Variants in UBE2D2 observed in about 807,000 individuals in gnomAD.
UBE2D2 encodes the protein ubiquitin conjugating enzyme E2 D2.
Under a neutral mutation model 24.2 loss-of-function variants are expected in UBE2D2, and 2 were observed. That is an observed-to-expected ratio of 0.08 (90% CI 0.03 to 0.26). The LOEUF (loss-of-function observed/expected upper bound fraction) is 0.26, where lower values mean the gene tolerates loss of function less well. UBE2D2 is among the 10% of genes least tolerant of loss of function. UBE2D2 has a pLI of 1.00. For missense variants in UBE2D2, 44 were observed against 177.6 expected, an observed-to-expected ratio of 0.25 and a Z score of 4.28; for synonymous variants, 58 against 56.5, an observed-to-expected ratio of 1.03 and a Z score of -0.12.
chr5:139,592,180 C>T (rs967822107), intron 1 of UBE2D2, among the ~76,000 whole-genome samples: 13 of 151,790 alleles, frequency 8.6e-5, no homozygotes, highest in African/African-American at 1.9e-4. Flanking sequence ...CTAGCCTGGG[C>T]GACAAAGCAA....
chr5:139,550,842 A>T (rs1168604218), intron 1 of UBE2D2, among the ~76,000 whole-genome samples: 2 of 152,164 alleles, frequency 1.3e-5, no homozygotes, highest in African/African-American at 4.8e-5. Context: ...ACGTCTGAAC[A>T]TCAGAAAGAA....
chr5:139,559,580 T>G (rs372594714), upstream of UBE2D2, among the ~76,000 whole-genome samples: 34 of 152,274 alleles, frequency 2.2e-4, no homozygotes, highest in Middle Eastern at 0.01. Context: ...TTTCTCTCAC[T>G]GGGTGCACGG....
chr5:139,538,409 C>T (rs1032631643), intron 1 of UBE2D2, among the ~76,000 whole-genome samples: 7 of 152,094 alleles, frequency 4.6e-5, no homozygotes, highest in African/African-American at 1.2e-4. Flanking sequence ...GGGATAAACA[C>T]AATAAATATC....
At chr5:139,546,898 TC>T (rs545534939) in intron 1 of UBE2D2, among the ~76,000 whole-genome samples, 1 of 151,788 alleles carries the variant, frequency 6.6e-6, no homozygotes, top group South Asian at 2.1e-4. Context: ...TTCTTTTCTT[TC>T]TTTCTTTTTT....
chr5:139,544,814 T>C (rs910838007), intron 1 of UBE2D2, among the ~76,000 whole-genome samples: 2 of 151,924 alleles, frequency 1.3e-5, no homozygotes, highest in Non-Finnish European at 2.9e-5. Context: ...GTCTTGCTCT[T>C]TTGCCAGGCT....
Position 139,570,293 on chromosome 5 carries a change from A to C in UBE2D2, c.24+8478A>C, listed in dbSNP as rs6863764. 8.8e-3 allele frequency among the ~76,000 whole-genome samples: 1,334 copies of C among 151,866 alleles called. 23 individuals carry two copies. Among genetic ancestry groups the C allele is most frequent in the African/African-American group, 0.031 (1,297 of 41,420 alleles). ...GTCAAAACAACAACAACAACAACAA[A>C]ACAACTATTGCAAATTTGGTGTTCT... On this transcript the variant is annotated intron_variant, in intron 1 of 6. Coordinates refer to ENST00000398733, the MANE Select transcript of UBE2D2 (RefSeq NM_003339.3).
intron 2 of UBE2D2, among the ~76,000 whole-genome samples, chr5:139,604,304 AATTTTCGT>A (rs1335194249): frequency 6.6e-6 from 1 of 151,662 alleles, no homozygotes; most frequent in Non-Finnish European, 1.5e-5. Context: ...CCGCCCAGCT[AATTTTCGT>A]ATTTTTGGTA....
chr5:139,561,856 C>T (rs772845371), intron 1 of UBE2D2, 41 bp downstream of exon 1: 3 of 1,460,194 alleles, frequency 2.1e-6, no homozygotes, highest in South Asian at 1.5e-5. Flanking sequence ...GCCAGCTGAG[C>T]AGGCTGCGGC....
At position 139,595,146 on chromosome 5, in the gene UBE2D2, A is replaced by G. The variant is rs139339263; in HGVS notation, c.25-5226A>G. 2.0e-5 allele frequency among the ~76,000 whole-genome samples: 3 copies of G among 152,300 alleles called. No individual in the cohort carries two copies. In the East Asian group the frequency reaches 5.8e-4, roughly 29 times the overall value. Reference sequence around the variant, plus strand: ...CTTTATTTCCCTATTGTTCTTTCTCATAAAATAGAAAGTTGAAATTAATGT... The same window carrying G: ...CTTTATTTCCCTATTGTTCTTTCTCGTAAAATAGAAAGTTGAAATTAATGT... On this transcript the variant is annotated intron_variant, in intron 1 of 6. Transcript: ENST00000398733.
intron 1 of UBE2D2, among the ~76,000 whole-genome samples, chr5:139,542,150 GC>G (rs1414527458): frequency 6.6e-6 from 1 of 152,146 alleles, no homozygotes; most frequent in African/African-American, 2.4e-5. Context: ...TGGTGTCACT[GC>G]ATTCCACCCT....
intron 1 of UBE2D2, among the ~76,000 whole-genome samples, chr5:139,554,268 A>G (rs1315279940): frequency 1.4e-4 from 21 of 152,154 alleles, no homozygotes; most frequent in Admixed American, 1.4e-3. Flanking sequence ...TCCTGGGCTC[A>G]GGTGATCCTC....
At chr5:139,603,717 AC>A (rs1754132488) in intron 2 of UBE2D2, among the ~76,000 whole-genome samples, 1 of 151,140 alleles carries the variant, frequency 6.6e-6, no homozygotes, top group South Asian at 2.1e-4. Flanking sequence ...CAGGTGGATT[AC>A]CTGAGGCCAG....
chr5:139,606,156 T>TTTTG (rs1318435695), intron 2 of UBE2D2, among the ~76,000 whole-genome samples: 5 of 151,426 alleles, frequency 3.3e-5, no homozygotes, highest in East Asian at 3.9e-4. Flanking sequence ...TCCCCTGCTG[T>TTTTG]TTTGTTTGTT....
chr5:139,601,471 G>A (rs1316343840), intron 2 of UBE2D2, among the ~76,000 whole-genome samples: 3 of 152,188 alleles, frequency 2.0e-5, no homozygotes, highest in African/African-American at 7.2e-5. Flanking sequence ...AGCCGGGTAT[G>A]TTGGTGCATG....
At chr5:139,573,663 G>T (rs1010908189) in intron 1 of UBE2D2, among the ~76,000 whole-genome samples, 8 of 151,970 alleles carry the variant, frequency 5.3e-5, no homozygotes. Context: ...AAAGGACTCT[G>T]CTTTCCATTT....
chr5:139,555,614 C>A (rs1211466663), intron 1 of UBE2D2, among the ~76,000 whole-genome samples: 2 of 151,924 alleles, frequency 1.3e-5, no homozygotes, highest in Non-Finnish European at 1.5e-5. Context: ...AATTGGTCAT[C>A]TAAACTCCTA....
At chr5:139,599,090 C>T (rs967307832) in intron 1 of UBE2D2, among the ~76,000 whole-genome samples, 9 of 151,648 alleles carry the variant, frequency 5.9e-5, no homozygotes, top group African/African-American at 9.7e-5. Flanking sequence ...CCACTACGCT[C>T]GGCTAATTTT....
chr5:139,548,582 T>C (rs1027708301), intron 1 of UBE2D2, among the ~76,000 whole-genome samples: 5 of 152,170 alleles, frequency 3.3e-5, no homozygotes, highest in African/African-American at 7.2e-5. Context: ...AGCAGTCTTT[T>C]ATAATCCCTC....
intron 5 of UBE2D2, among the ~76,000 whole-genome samples, chr5:139,616,583 A>G (rs774526474): frequency 6.6e-6 from 1 of 152,228 alleles, no homozygotes; most frequent in Non-Finnish European, 1.5e-5. Flanking sequence ...CTTTTTAATT[A>G]ACAAAGATAT....
Sources: allele counts gnomAD v4.1 joint callset (sites outside exome capture counted in the v4.1 genomes callset), GRCh38; gene constraint gnomAD v4.1.1; transcripts MANE v1.5; gene names NCBI Gene and HGNC (gene_info 2026-07-23, HGNC 2026-07-21).